The following PAPSS1 variants were observed in gnomAD, a reference collection of about 807,000 sequenced individuals.
The protein encoded by PAPSS1 is 3'-phosphoadenosine 5'-phosphosulfate synthase 1.
In PAPSS1, 50 loss-of-function variants were observed where a neutral mutation model predicts 72.0. The observed-to-expected ratio is 0.69, with a 90% confidence interval of 0.55 to 0.88. The LOEUF is 0.88. Ranked by LOEUF, PAPSS1 falls within the 40% of genes least tolerant of loss-of-function variation. The probability of loss-of-function intolerance (pLI) is 0.00; values close to 1 mark genes in which losing one functional copy is unlikely to be tolerated. For synonymous variants in PAPSS1, 261 were observed against 263.6 expected, an observed-to-expected ratio of 0.99 and a Z score of 0.09; for missense variants, 657 against 782.2, an observed-to-expected ratio of 0.84 and a Z score of 1.91.
At chr4:107,635,893 G>A (rs1030075164) in intron 10 of PAPSS1, among the ~76,000 whole-genome samples, 16 of 152,134 alleles carry the variant, frequency 1.1e-4, no homozygotes, top group Non-Finnish European at 2.2e-4. Context: ...CATGGACTTG[G>A]TGACATAGGT....
At chr4:107,665,439 G>A (rs1455540037) in intron 5 of PAPSS1, among the ~76,000 whole-genome samples, 6 of 152,122 alleles carry the variant, frequency 3.9e-5, no homozygotes, top group Non-Finnish European at 4.4e-5. Flanking sequence ...TAGAAACAAC[G>A]TGCTCTTCTT....
chr4:107,703,017 CTTT>C (rs112282585), intron 1 of PAPSS1, among the ~76,000 whole-genome samples: 2 of 152,130 alleles, frequency 1.3e-5, no homozygotes, highest in African/African-American at 4.8e-5. Context: ...ACACTTTTGT[CTTT>C]TTTATAACAG....
chr4:107,700,593 T>C (rs1169884528), intron 2 of PAPSS1, among the ~76,000 whole-genome samples: 3 of 152,226 alleles, frequency 2.0e-5, no homozygotes, highest in Non-Finnish European at 4.4e-5. Context: ...AATGATGCAG[T>C]CTAACGGAGG....
intron 7 of PAPSS1, among the ~76,000 whole-genome samples, chr4:107,655,817 T>A (rs17037970): frequency 0.033 from 5,085 of 152,310 alleles, 268 homozygotes; most frequent in African/African-American, 0.12. Flanking sequence ...AAGGAGGTAG[T>A]CCACAAGACT....
intron 5 of PAPSS1, among the ~76,000 whole-genome samples, chr4:107,675,245 A>C (rs968044459): frequency 2.6e-5 from 4 of 152,250 alleles, no homozygotes; most frequent in Non-Finnish European, 5.9e-5. Context: ...TGAATCCAGC[A>C]GCTGATTTTT....
chr4:107,624,581 G>A (rs893748055), intron 11 of PAPSS1, among the ~76,000 whole-genome samples: 2 of 152,008 alleles, frequency 1.3e-5, no homozygotes, highest in African/African-American at 4.8e-5. Context: ...CTCAATACAA[G>A]ATCCAGTATA....
intron 2 of PAPSS1, among the ~76,000 whole-genome samples, chr4:107,699,312 C>G (rs748135062): frequency 2.6e-5 from 4 of 151,190 alleles, no homozygotes; most frequent in Non-Finnish European, 5.9e-5. Flanking sequence ...GTCAACATTG[C>G]TGATGAAGAA....
At chr4:107,669,977 T>C (rs2110329071) in intron 5 of PAPSS1, among the ~76,000 whole-genome samples, 2 of 152,354 alleles carry the variant, frequency 1.3e-5, no homozygotes, top group Middle Eastern at 6.8e-3. Context: ...TCTTCATTTC[T>C]CTGAAATACT....
At chr4:107,643,719 T>TA (rs1022354583) in intron 10 of PAPSS1, among the ~76,000 whole-genome samples, 5 of 152,260 alleles carry the variant, frequency 3.3e-5, no homozygotes, top group African/African-American at 9.6e-5. Context: ...TGGGTGATGA[T>TA]AAAAAATTTT....
chr4:107,673,521 A>G (rs1727554749), intron 5 of PAPSS1, among the ~76,000 whole-genome samples: 1 of 152,186 alleles, frequency 6.6e-6, no homozygotes, highest in Non-Finnish European at 1.5e-5. Flanking sequence ...AAAAAAGAAT[A>G]AAAAGAAATG....
At chr4:107,684,578 G>T (rs1419598172) in intron 4 of PAPSS1, among the ~76,000 whole-genome samples, 1 of 152,116 alleles carries the variant, frequency 6.6e-6, no homozygotes, top group Admixed American at 6.5e-5. Flanking sequence ...GCCACTGTAA[G>T]ACCTCAAAAG....
intron 1 of PAPSS1, among the ~76,000 whole-genome samples, chr4:107,711,945 A>C (rs1723506202): frequency 6.6e-6 from 1 of 152,228 alleles, no homozygotes; most frequent in African/African-American, 2.4e-5. Flanking sequence ...GCTGTGTGGC[A>C]ACACTGGCAT....
intron 5 of PAPSS1, among the ~76,000 whole-genome samples, chr4:107,672,832 T>C (rs1196166409): frequency 6.6e-6 from 1 of 152,142 alleles, no homozygotes; most frequent in African/African-American, 2.4e-5. Flanking sequence ...GACTGACACC[T>C]CACACAGCCA....
chr4:107,679,646 A>T (rs1457371333), intron 5 of PAPSS1, among the ~76,000 whole-genome samples: 2 of 151,984 alleles, frequency 1.3e-5, no homozygotes, highest in African/African-American at 4.8e-5. Flanking sequence ...AATGAGATTC[A>T]GAAATAACAC....
chr4:107,692,970 GA>G (rs1238227691), intron 3 of PAPSS1, among the ~76,000 whole-genome samples: 2 of 152,024 alleles, frequency 1.3e-5, no homozygotes, highest in African/African-American at 4.8e-5. Context: ...CACATGGGGG[GA>G]AACAACACAC....
chr4:107,702,408 TATC>T (rs1049904838), intron 1 of PAPSS1, among the ~76,000 whole-genome samples: 7 of 152,208 alleles, frequency 4.6e-5, no homozygotes, highest in Non-Finnish European at 1.0e-4. Flanking sequence ...ACATTGTTAT[TATC>T]ATCACCATGT....
intron 11 of PAPSS1, among the ~76,000 whole-genome samples, chr4:107,624,117 C>T (rs1328823890): frequency 1.3e-5 from 2 of 152,178 alleles, no homozygotes; most frequent in Non-Finnish European, 2.9e-5. Context: ...TGACTCTGTT[C>T]TACCTCACTC....
At chr4:107,625,792 G>C (rs368228416) in intron 11 of PAPSS1, among the ~76,000 whole-genome samples, 144 of 152,312 alleles carry the variant, frequency 9.5e-4, no homozygotes, top group African/African-American at 3.2e-3. Flanking sequence ...CACAGGAACG[G>C]ATGACCTCTC....
At chr4:107,714,456 C>T (rs1003416667) in intron 1 of PAPSS1, among the ~76,000 whole-genome samples, 1 of 152,156 alleles carries the variant, frequency 6.6e-6, no homozygotes, top group East Asian at 1.9e-4. Flanking sequence ...GAACTAATTA[C>T]TTAATCTGAT....
Sources: gnomAD v4.1 joint callset for allele counts (sites outside exome capture counted in the v4.1 genomes callset) on GRCh38, gnomAD v4.1.1 for gene constraint, MANE v1.5 for transcripts, NCBI Gene and HGNC (gene_info 2026-07-23, HGNC 2026-07-21) for gene names.